Variants in PSKH1 observed in about 807,000 individuals in gnomAD.
The protein encoded by PSKH1 is serine/threonine-protein kinase H1.
A neutral mutation model predicts 26.7 loss-of-function variants in PSKH1; 12 were observed. The observed-to-expected ratio is 0.45, with a 90% CI of 0.29 to 0.73. The LOEUF (loss-of-function observed/expected upper bound fraction) is 0.73. PSKH1 is among the 30% of genes least tolerant of loss of function. The pLI is 0.11. For synonymous variants in PSKH1, 213 were observed against 234.3 expected (o/e 0.91, Z 0.83); for missense variants, 431 against 595.2 (o/e 0.72, Z 2.87).
chr16:67,909,820 C>A lies in PSKH1; in HGVS notation c.957+114C>A. ...CAGGGCCATGCTCGTGAGGGCCAGG[C>A]AGGTCATATAAAAGGGACAAAGTGA... is the stretch of plus-strand genomic sequence containing the variant. On this transcript the variant is annotated intron_variant, in intron 2 of 2. Transcript: ENST00000291041. The surrounding 1 kb of genome is among the most constrained non-coding windows in gnomAD (Gnocchi z 7.8). The A allele has an allele frequency of 1.0e-6, 1 of 991,194 alleles. No homozygotes were observed. Among genetic ancestry groups the A allele is most frequent in the Non-Finnish European group, 1.5e-6 (1 of 674,624 alleles). 61.4% of individuals were successfully genotyped at this position (991,194 alleles called of 1,614,324 possible).
chr16:67,900,078 C>T (rs2058137510), intron 1 of PSKH1, among the ~76,000 whole-genome samples: 1 of 152,072 alleles, frequency 6.6e-6, no homozygotes, highest in South Asian at 2.1e-4. Flanking sequence ...TCTCCTGCCT[C>T]AGCTTCTGAG....
At chr16:67,899,331 ATTTTTTTTTTT>A (rs555492519) in intron 1 of PSKH1, among the ~76,000 whole-genome samples, 1 of 128,270 alleles carries the variant, frequency 7.8e-6, no homozygotes, top group Non-Finnish European at 1.6e-5. Flanking sequence ...GCCAGACCAC[ATTTTTTTTTTT>A]TTTTTTTTTT....
chr16:67,911,966 C>T (rs911113605), intron 2 of PSKH1, among the ~76,000 whole-genome samples: 5 of 152,160 alleles, frequency 3.3e-5, no homozygotes, highest in South Asian at 2.1e-4. Flanking sequence ...GAGATCGTTG[C>T]GTAGGAGTCA....
chr16:67,927,476 C>G lies in PSKH1; in HGVS notation c.1109C>G (p.Ser370Cys). 6.2e-7 allele frequency: 1 copy of G among 1,614,232 alleles called. No homozygotes were observed. Among genetic ancestry groups the G allele is most frequent in the East Asian group, 2.2e-5 (1 of 44,890 alleles). Residue 370 changes from serine to cysteine, a missense_variant, in exon 3 of 3, where the codon TCC (serine) becomes TGC (cysteine). Coordinates refer to ENST00000291041, the MANE Select transcript of PSKH1 (RefSeq NM_006742.3). The surrounding 1 kb of genome is among the most constrained non-coding windows in gnomAD (Gnocchi z 5.5). ...ASSSMKNLHR[S>C]ISQNLLKRAS... ...TCATCCATGAAGAACCTGCACCGCT[C>G]CATATCCCAGAACCTCCTTAAACGT... is the stretch of plus-strand genomic sequence containing the variant.
At chr16:67,896,170 G>T (rs562111217) in intron 1 of PSKH1, among the ~76,000 whole-genome samples, 9 of 150,730 alleles carry the variant, frequency 6.0e-5, no homozygotes, top group African/African-American at 1.7e-4. Context: ...GTGCAATGGC[G>T]TGAGCTCGGC....
intron 1 of PSKH1, among the ~76,000 whole-genome samples, chr16:67,905,120 C>G (rs573562792): frequency 6.6e-6 from 1 of 152,270 alleles, no homozygotes; most frequent in Admixed American, 6.5e-5. Context: ...GCCACTGTGC[C>G]CAGCTCTTAC....
In PSKH1 at chr16:67,908,851, G is replaced by A; in HGVS notation, c.102G>A (p.Val34=). ...CCTTCAGTGGCACTAAGAGTGACGT[G>A]TACAAGCACTTCATCACAGAGGTGG... ...VEPFSGTKSD[V]YKHFITEVDS... is the part of the protein sequence containing the mutation. Residue 34 remains valine (V), a synonymous_variant, in exon 2 of 3, where the codon GTG becomes GTA. Transcript: ENST00000291041. The A allele has an allele frequency of 5.0e-6, 8 of 1,614,198 alleles. No homozygotes were observed. Among genetic ancestry groups the A allele is most frequent in the Non-Finnish European group, 6.8e-6 (8 of 1,180,044 alleles).
At chr16:67,897,970 C>G (rs2058131082) in intron 1 of PSKH1, among the ~76,000 whole-genome samples, 1 of 152,290 alleles carries the variant, frequency 6.6e-6, no homozygotes, top group African/African-American at 2.4e-5. Flanking sequence ...GCCTCAGCCT[C>G]CCGAGTAGCT....
chr16:67,896,660 A>C (rs2058127464), intron 1 of PSKH1, among the ~76,000 whole-genome samples: 1 of 148,028 alleles, frequency 6.8e-6, no homozygotes, highest in African/African-American at 2.5e-5. Flanking sequence ...CTCCTGCCTC[A>C]GCCTCCCGCA....
In PSKH1 at chr16:67,927,982, A is replaced by C; in HGVS notation, c.*340A>C. Reference sequence around the variant, plus strand: ...TCCCTTGCCCTTTGACTTTTCCCCAATCAAAGGGAACTGCAGTGCTGGGTG... The same window carrying C: ...TCCCTTGCCCTTTGACTTTTCCCCACTCAAAGGGAACTGCAGTGCTGGGTG... On this transcript the variant is annotated 3_prime_UTR_variant, in exon 3 of 3. Coordinates refer to ENST00000291041, the MANE Select transcript of PSKH1 (RefSeq NM_006742.3). This position sits in a 1 kb window ranked among gnomAD's most constrained non-coding sequence, Gnocchi z 5.5. The C allele has an allele frequency of 9.7e-6, 3 of 309,116 alleles. No homozygotes were observed. Among genetic ancestry groups the C allele is most frequent in the Non-Finnish European group, 1.2e-5 (2 of 164,442 alleles). 19.1% of individuals were successfully genotyped at this position (309,116 alleles called of 1,614,324 possible).
chr16:67,921,490 G>A (rs536044055), intron 2 of PSKH1, among the ~76,000 whole-genome samples: 16 of 152,096 alleles, frequency 1.1e-4, no homozygotes, highest in Admixed American at 9.2e-4. Flanking sequence ...CAGGAGAATC[G>A]GTTGAACCTG....
rs1050115341 is a variant in PSKH1 at position 67,929,617 on chromosome 16, C to T, written c.*1975C>T. On this transcript the variant is annotated 3_prime_UTR_variant, in exon 3 of 3. Coordinates refer to ENST00000291041, the MANE Select transcript of PSKH1 (RefSeq NM_006742.3). ...TTATTATGCGTATTCAGTTTGTAAA[C>T]GTATCCTCTGTATTCAGTAAACAGG... 1.1e-5 allele frequency: 4 copies of T among 363,870 alleles called. No individual in the cohort carries two copies. Among genetic ancestry groups the T allele is most frequent in the Admixed American group, 4.0e-5 (1 of 24,968 alleles). 22.5% of individuals were successfully genotyped at this position (363,870 alleles called of 1,614,324 possible).
At position 67,909,322 on chromosome 16, in the gene PSKH1, C is replaced by T. The variant is rs188443669; in HGVS notation, c.573C>T (p.Thr191=). 255 of 1,614,090 alleles carry T rather than the reference C, an allele frequency of 1.6e-4. 2 individuals carry two copies. Among genetic ancestry groups the T allele is most frequent in the South Asian group, 7.7e-5 (7 of 91,064 alleles). Residue 191 remains threonine, a synonymous_variant, in exon 2 of 3, where the codon ACC becomes ACT. Coordinates refer to ENST00000291041, the MANE Select transcript of PSKH1 (RefSeq NM_006742.3). The surrounding 1 kb of genome is among the most constrained non-coding windows in gnomAD (Gnocchi z 7.8). The part of the protein sequence containing the change: ...FDRIIAKGSF[T]ERDATRVLQM... ...GCATCATTGCCAAGGGCTCCTTCACCGAGCGTGACGCCACGCGGGTGCTGC... is the reference window on the plus strand; with the variant it reads ...GCATCATTGCCAAGGGCTCCTTCACTGAGCGTGACGCCACGCGGGTGCTGC...
chr16:67,927,629 A>T lies in PSKH1; in HGVS notation c.1262A>T (p.Gln421Leu). 6.2e-7 allele frequency: 1 copy of T among 1,605,258 alleles called. No homozygotes were observed. Among genetic ancestry groups the T allele is most frequent in the Non-Finnish European group, 8.5e-7 (1 of 1,178,546 alleles). Residue 421 changes from glutamine (Q) to leucine (L), a missense_variant, in exon 3 of 3, where the codon CAA (glutamine) becomes CTA (leucine). Physicochemically the swap from Gln to Leu is moderately radical, Grantham distance 113. Transcript: ENST00000291041. This position sits in a 1 kb window ranked among gnomAD's most constrained non-coding sequence, Gnocchi z 5.5. ...LRELNLRYQQ[Q>L]YNG ...GAGCTCAACCTGCGCTACCAGCAGC[A>T]ATACAATGGCTGAGCCGCCTGGCTG...
rs534305271 is a variant in PSKH1, at chr16:67,920,539, G to A, written c.958-6786G>A. 7.2e-5 allele frequency among the ~76,000 whole-genome samples: 11 copies of A among 152,290 alleles called. No homozygotes were observed. The South Asian group carries it at 8.3e-4, about 11-fold the overall frequency. ...CTCCCAAAGTGCTGAGATTAAAGGC[G>A]TGAGCCACTGTGCCCAGCCCTGACC... On this transcript the variant is annotated intron_variant, in intron 2 of 2. Coordinates refer to ENST00000291041, the MANE Select transcript of PSKH1 (RefSeq NM_006742.3).
In PSKH1 at chr16:67,899,454, G is replaced by C. The variant is rs57781385; in HGVS notation, c.-71+6083G>C. On this transcript the variant is annotated intron_variant, in intron 1 of 2. Transcript: ENST00000291041. ...GGGTTCACGCCATTCTCCTGCCTCA[G>C]CCTCCTGAGTAGCTGGGACTACAGG... Among the ~76,000 whole-genome samples the C allele has an allele frequency of 3.4e-5, 5 of 148,996 alleles. No homozygotes were observed. In the East Asian group the frequency reaches 7.9e-4, roughly 24 times the overall value.
In PSKH1 at chr16:67,918,614, T is replaced by C. The variant is rs8052448; in HGVS notation, c.958-8711T>C. Among the ~76,000 whole-genome samples, 871 of 149,478 alleles carry C rather than the reference T, an allele frequency of 5.8e-3. 10 individuals are homozygous for C. The highest frequency in any genetic ancestry group is 0.02 in the African/African-American group (826 of 40,614). Reference sequence around the variant, plus strand: ...GTTCTTTTTTTTTTTTTTTTTGAGATGGAGTCTTACTCTGTCGCCCAGGCT... The same window carrying C: ...GTTCTTTTTTTTTTTTTTTTTGAGACGGAGTCTTACTCTGTCGCCCAGGCT... On this transcript the variant is annotated intron_variant, in intron 2 of 2. Transcript: ENST00000291041.
At chr16:67,910,448 G>A (rs1273778774) in intron 2 of PSKH1, among the ~76,000 whole-genome samples, 2 of 152,216 alleles carry the variant, frequency 1.3e-5, no homozygotes, top group Admixed American at 6.5e-5. Flanking sequence ...AGGACCTCGT[G>A]TGTCCAGATC....
At chr16:67,899,546 A>T (rs2058136205) in intron 1 of PSKH1, among the ~76,000 whole-genome samples, 1 of 152,120 alleles carries the variant, frequency 6.6e-6, no homozygotes. Flanking sequence ...CATGTTAGCC[A>T]GGATGGTCTC....
Sources: allele counts gnomAD v4.1 joint callset (sites outside exome capture counted in the v4.1 genomes callset), GRCh38; gene constraint gnomAD v4.1.1; non-coding constraint Gnocchi (gnomAD v3.1); transcripts MANE v1.5; gene names NCBI Gene and HGNC (gene_info 2026-07-23, HGNC 2026-07-21).